ABCB1: variants seen among roughly 807,000 people sequenced by gnomAD.
ABCB1 encodes ATP binding cassette subfamily B member 1, also known as ATP-dependent translocase ABCB1.
Under a neutral mutation model 142.0 loss-of-function variants are expected in ABCB1, and 69 were observed. The observed-to-expected ratio is 0.49, with a 90% confidence interval of 0.40 to 0.59. The LOEUF is 0.59. Ranked by LOEUF, ABCB1 falls within the 20% of genes least tolerant of loss-of-function variation. ABCB1 has a pLI of 0.00. For synonymous variants in ABCB1, 532 were observed against 539.2 expected (o/e 0.99, Z 0.18); for missense variants, 1,326 against 1,554.7 (o/e 0.85, Z 2.47).
Position 87,549,961 on chromosome 7 carries a change from T to A in ABCB1, c.1444A>T (p.Thr482Ser). The A allele has an allele frequency of 6.2e-7, 1 of 1,614,232 alleles. No homozygotes were observed. The highest frequency in any genetic ancestry group is 8.5e-7 in the Non-Finnish European group (1 of 1,180,030). ...VVSQEPVLFA[T>S]TIAENIRYGR... is the part of the protein sequence containing the mutation. Reference sequence around the variant, plus strand: ...TAGCGAATGTTTTCAGCTATCGTGGTGGCAAACAATACAGGTTCCTGACTC... The same window carrying A: ...TAGCGAATGTTTTCAGCTATCGTGGAGGCAAACAATACAGGTTCCTGACTC... Residue 482 changes from threonine to serine, a missense_variant, in exon 13 of 28, where the codon ACC (threonine) becomes TCC (serine). Thr to Ser is a moderately conservative substitution (Grantham distance 58, BLOSUM62 1). Coordinates refer to ENST00000622132, the MANE Select transcript of ABCB1 (RefSeq NM_001348946.2).
At chr7:87,634,139 G>A (rs1347880731) in intron 1 of ABCB1, among the ~76,000 whole-genome samples, 1 of 152,126 alleles carries the variant, frequency 6.6e-6, no homozygotes, top group Non-Finnish European at 1.5e-5. Context: ...CCTTGCTAGA[G>A]TGAGAACTGG....
intron 9 of ABCB1, 115 bp from the exon 10 acceptor site, chr7:87,550,953 C>T (rs887749368): frequency 2.3e-5 from 16 of 702,148 alleles, no homozygotes; most frequent in Non-Finnish European, 3.6e-5. Context: ...GGCGAGGCAA[C>T]ATATAAATAC....
At chr7:87,536,046 A>G (rs550442743) in intron 20 of ABCB1, among the ~76,000 whole-genome samples, 1 of 152,276 alleles carries the variant, frequency 6.6e-6, no homozygotes, top group Middle Eastern at 3.4e-3. Flanking sequence ...TGTGCTTTTC[A>G]TTTCCTTCAA....
upstream of ABCB1, among the ~76,000 whole-genome samples, chr7:87,605,494 C>T (rs1447478632): frequency 2.0e-5 from 3 of 152,158 alleles, no homozygotes; most frequent in East Asian, 5.8e-4. Flanking sequence ...CTGAGTAAGT[C>T]ACTGCCCCCT....
intron 22 of ABCB1, 58 bp from the exon 23 acceptor site, chr7:87,519,524 A>G: frequency 6.2e-7 from 1 of 1,609,180 alleles, no homozygotes; most frequent in South Asian, 1.1e-5. Context: ...CTTAAAATGT[A>G]ACTTTTGATA....
chr7:87,585,322 T>C (rs1401579413), intron 4 of ABCB1, among the ~76,000 whole-genome samples, 190 bp downstream of exon 4: 2 of 152,232 alleles, frequency 1.3e-5, no homozygotes, highest in African/African-American at 4.8e-5. Flanking sequence ...GGCACTTCAG[T>C]TGTGTGTTGT....
chr7:87,533,612 A>T (rs923606167), intron 20 of ABCB1, among the ~76,000 whole-genome samples: 3 of 152,192 alleles, frequency 2.0e-5, no homozygotes, highest in Admixed American at 6.6e-5. Context: ...ACTGTCCTAC[A>T]TCTATTTCTA....
intron 1 of ABCB1, chr7:87,709,498 GTT>G: frequency 1.0e-5 from 10 of 985,382 alleles, no homozygotes; most frequent in Non-Finnish European, 1.2e-5. Context: ...TAAAAGGGAT[GTT>G]GAGCTTGGTA....
At chr7:87,547,007 T>C (rs1210699780) in intron 14 of ABCB1, among the ~76,000 whole-genome samples, 2 of 152,228 alleles carry the variant, frequency 1.3e-5, no homozygotes, top group Admixed American at 6.5e-5. Context: ...TGAAGAATTA[T>C]GGAAAAATTG....
chr7:87,567,105 T>G (rs1584887104), intron 5 of ABCB1, 129 bp from the exon 6 acceptor site: 2 of 836,524 alleles, frequency 2.4e-6, no homozygotes, highest in East Asian at 5.3e-5. Flanking sequence ...TAAGAAGGGG[T>G]TGTAACAAGC....
chr7:87,633,150 T>A (rs551838562), intron 1 of ABCB1, among the ~76,000 whole-genome samples: 7 of 152,362 alleles, frequency 4.6e-5, no homozygotes, highest in African/African-American at 1.7e-4. Flanking sequence ...CTTATATTTT[T>A]ATACATAACT....
intron 1 of ABCB1, among the ~76,000 whole-genome samples, chr7:87,626,050 A>G (rs1820430248): frequency 7.1e-6 from 1 of 140,368 alleles, no homozygotes. Context: ...AGAGAGATGG[A>G]GTCTCATTCT....
chr7:87,560,874 A>G (rs1330721638), intron 8 of ABCB1, among the ~76,000 whole-genome samples: 2 of 152,158 alleles, frequency 1.3e-5, no homozygotes, highest in African/African-American at 4.8e-5. Flanking sequence ...ATCATGTAGC[A>G]TATGTCAGCT....
At position 87,574,722 on chromosome 7, in the gene ABCB1, G is replaced by A. The variant is rs77656064; in HGVS notation, c.287-4499C>T. Among the ~76,000 whole-genome samples, 11 of 152,198 alleles carry A rather than the reference G, an allele frequency of 7.2e-5. No homozygotes were observed. The East Asian group carries it at 1.5e-3, about 21-fold the overall frequency. ...ACTCTTCCTCCATGAATAAACTAAA[G>A]TATTACATCATCTTACCCCTAGCAG... On this transcript the variant is annotated intron_variant, in intron 4 of 27. Coordinates refer to ENST00000622132, the MANE Select transcript of ABCB1 (RefSeq NM_001348946.2).
chr7:87,699,922 T>C, intron 1 of ABCB1, among the ~76,000 whole-genome samples: 1 of 152,176 alleles, frequency 6.6e-6, no homozygotes, highest in East Asian at 1.9e-4. Flanking sequence ...TGATTTTATT[T>C]ATTTATAAAG....
At chr7:87,569,074 C>G (rs1817921872) in intron 5 of ABCB1, among the ~76,000 whole-genome samples, 1 of 152,116 alleles carries the variant, frequency 6.6e-6, no homozygotes, top group South Asian at 2.1e-4. Flanking sequence ...GGCTCACACC[C>G]GTAATCCCAG....
intron 7 of ABCB1, 145 bp from the exon 8 acceptor site, chr7:87,561,532 A>G (rs1817564066): frequency 1.3e-6 from 1 of 788,390 alleles, no homozygotes; most frequent in Admixed American, 2.7e-5. Context: ...TTTGGTCTGT[A>G]TTAACAGCCA....
intron 5 of ABCB1, among the ~76,000 whole-genome samples, chr7:87,567,636 C>T (rs1047188091): frequency 3.3e-5 from 5 of 152,080 alleles, no homozygotes; most frequent in South Asian, 2.1e-4. Context: ...TTCATTTGCC[C>T]AACTGGCCAT....
intron 9 of ABCB1, among the ~76,000 whole-genome samples, chr7:87,551,277 A>G (rs1162445508): frequency 1.3e-5 from 2 of 152,204 alleles, no homozygotes; most frequent in Non-Finnish European, 2.9e-5. Flanking sequence ...TCAGCCTGCA[A>G]AAGTGCTGGG....
Sources: allele counts gnomAD v4.1 joint callset (sites outside exome capture counted in the v4.1 genomes callset), GRCh38; gene constraint gnomAD v4.1.1; transcripts MANE v1.5; gene names NCBI Gene and HGNC (gene_info 2026-07-23, HGNC 2026-07-21).